Variants in SSBP2 observed in about 807,000 individuals in gnomAD.
SSBP2 encodes the protein single stranded DNA binding protein 2, also known as single-stranded DNA-binding protein 2.
A neutral mutation model predicts 61.8 loss-of-function variants in SSBP2; 17 were observed. The observed-to-expected ratio is 0.28, with a 90% CI of 0.19 to 0.41. SSBP2 has a LOEUF of 0.41. SSBP2 is among the 10% of genes least tolerant of loss of function. The pLI is 1.00. For synonymous variants in SSBP2, 139 were observed against 141.3 expected (o/e 0.98, Z 0.12); for missense variants, 310 against 458.7 (o/e 0.68, Z 2.96).
intron 1 of SSBP2, among the ~76,000 whole-genome samples, chr5:81,726,658 T>C (rs527289791): frequency 1.2e-4 from 18 of 152,148 alleles, no homozygotes; most frequent in Non-Finnish European, 2.4e-4. Context: ...CCTCATCTAC[T>C]TTTTCAACAA....
chr5:81,445,570 C>A (rs546954237), intron 12 of SSBP2, among the ~76,000 whole-genome samples: 3 of 151,876 alleles, frequency 2.0e-5, no homozygotes, highest in African/African-American at 4.8e-5. Context: ...AATGAAGATG[C>A]CTTCAGGACA....
intron 4 of SSBP2, among the ~76,000 whole-genome samples, chr5:81,588,125 C>G (rs1408444079): frequency 6.6e-6 from 1 of 151,974 alleles, no homozygotes; most frequent in Non-Finnish European, 1.5e-5. Flanking sequence ...GCCACCATGC[C>G]TAGCTAATTT....
At chr5:81,489,046 G>T (rs1444415550) in intron 6 of SSBP2, among the ~76,000 whole-genome samples, 2 of 152,022 alleles carry the variant, frequency 1.3e-5, no homozygotes, top group Non-Finnish European at 2.9e-5. Flanking sequence ...AAATAGATCT[G>T]TGTGGATGTT....
intron 10 of SSBP2, among the ~76,000 whole-genome samples, chr5:81,451,652 C>A (rs549943942): frequency 6.6e-6 from 1 of 152,322 alleles, no homozygotes; most frequent in Admixed American, 6.5e-5. Flanking sequence ...GTCTCGAACC[C>A]CTGACCTCAG....
intron 4 of SSBP2, among the ~76,000 whole-genome samples, chr5:81,531,973 A>T (rs1214517598): frequency 1.3e-5 from 2 of 152,122 alleles, no homozygotes; most frequent in Non-Finnish European, 2.9e-5. Context: ...AAATGTTCTC[A>T]GTTTTCTCTG....
At chr5:81,481,221 A>G (rs1765960784) in intron 6 of SSBP2, among the ~76,000 whole-genome samples, 1 of 152,200 alleles carries the variant, frequency 6.6e-6, no homozygotes, top group African/African-American at 2.4e-5. Flanking sequence ...ACTTAATGGC[A>G]TTTAGAATGG....
chr5:81,689,915 CAAT>C (rs2153832302), intron 1 of SSBP2, among the ~76,000 whole-genome samples: 1 of 151,968 alleles, frequency 6.6e-6, no homozygotes, highest in Admixed American at 6.6e-5. Context: ...GTAGACAGTA[CAAT>C]AACATATAAA....
intron 10 of SSBP2, among the ~76,000 whole-genome samples, chr5:81,456,883 C>T (rs757103699): frequency 9.9e-5 from 15 of 152,162 alleles, no homozygotes; most frequent in Non-Finnish European, 1.6e-4. Flanking sequence ...TTCATACTTT[C>T]AGAGAAGTGA....
chr5:81,552,165 G>A (rs1462207775), intron 4 of SSBP2, among the ~76,000 whole-genome samples: 2 of 152,158 alleles, frequency 1.3e-5, no homozygotes, highest in African/African-American at 4.8e-5. Context: ...CTTGTATAGA[G>A]AGATAAATAA....
intron 4 of SSBP2, among the ~76,000 whole-genome samples, chr5:81,609,057 A>T (rs1365451652): frequency 2.0e-5 from 3 of 152,214 alleles, no homozygotes; most frequent in African/African-American, 7.2e-5. Flanking sequence ...TGGTTAAAAG[A>T]GAAGGAGGCC....
At chr5:81,610,441 C>T (rs1745331431) in intron 4 of SSBP2, among the ~76,000 whole-genome samples, 1 of 152,148 alleles carries the variant, frequency 6.6e-6, no homozygotes, top group South Asian at 2.1e-4. Context: ...TTTAAATCCA[C>T]CTTGAAAATA....
At chr5:81,595,172 C>G (rs1743585589) in intron 4 of SSBP2, among the ~76,000 whole-genome samples, 1 of 152,076 alleles carries the variant, frequency 6.6e-6, no homozygotes, top group African/African-American at 2.4e-5. Flanking sequence ...ACCACCAATC[C>G]CACAGAAATA....
At chr5:81,508,448 C>T (rs930184903) in intron 5 of SSBP2, among the ~76,000 whole-genome samples, 5 of 152,034 alleles carry the variant, frequency 3.3e-5, no homozygotes, top group African/African-American at 9.7e-5. Flanking sequence ...TTTGCATGTC[C>T]GACTAGTCTT....
chr5:81,630,172 A>T (rs960981026), intron 3 of SSBP2, among the ~76,000 whole-genome samples: 2 of 152,262 alleles, frequency 1.3e-5, no homozygotes, highest in African/African-American at 4.8e-5. Context: ...AATGCATGTT[A>T]TCCTAATCAT....
At chr5:81,700,927 G>A (rs533657584) in intron 1 of SSBP2, among the ~76,000 whole-genome samples, 9 of 152,258 alleles carry the variant, frequency 5.9e-5, no homozygotes, top group South Asian at 4.1e-4. Flanking sequence ...AACTTTCTCC[G>A]TATTGACCAT....
At chr5:81,593,226 G>T (rs1177872987) in intron 4 of SSBP2, among the ~76,000 whole-genome samples, 8 of 152,206 alleles carry the variant, frequency 5.3e-5, no homozygotes, top group Admixed American at 3.3e-4. Flanking sequence ...CCATCAACTG[G>T]AAGAAAGGGT....
intron 4 of SSBP2, among the ~76,000 whole-genome samples, chr5:81,592,194 AC>A (rs944786593): frequency 1.3e-5 from 2 of 152,174 alleles, no homozygotes; most frequent in African/African-American, 4.8e-5. Context: ...TATATCCCGC[AC>A]TTGGCTCGGA....
At chr5:81,631,116 T>G (rs1257279087) in intron 3 of SSBP2, among the ~76,000 whole-genome samples, 1 of 152,148 alleles carries the variant, frequency 6.6e-6, no homozygotes. Context: ...AATTTGAATT[T>G]TATACTATTT....
intron 5 of SSBP2, among the ~76,000 whole-genome samples, chr5:81,497,131 CTCTA>C (rs1316597818): frequency 2.6e-5 from 4 of 152,178 alleles, no homozygotes; most frequent in Non-Finnish European, 5.9e-5. Context: ...ATTTCAAAAG[CTCTA>C]TCTCTCTTTT....
Sources: gnomAD v4.1 joint callset for allele counts (sites outside exome capture counted in the v4.1 genomes callset) on GRCh38, gnomAD v4.1.1 for gene constraint, MANE v1.5 for transcripts, NCBI Gene and HGNC (gene_info 2026-07-23, HGNC 2026-07-21) for gene names.